The following ZNF385D variants were observed in gnomAD, a reference collection of about 807,000 sequenced individuals.
ZNF385D encodes the protein zinc finger protein 385D, also known as zinc finger protein 659.
A neutral mutation model predicts 35.8 loss-of-function variants in ZNF385D; 15 were observed. The observed-to-expected ratio is 0.42, with a 90% confidence interval of 0.28 to 0.64. ZNF385D has a LOEUF of 0.64. Among genes scored for constraint, ZNF385D ranks in the 30% least tolerant of loss-of-function variants. The pLI, the probability that ZNF385D is intolerant of heterozygous loss-of-function variation, is 0.23. For synonymous variants in ZNF385D, 212 were observed against 186.8 expected, an observed-to-expected ratio of 1.13 and a Z score of -1.10; for missense variants, 474 against 494.6, an observed-to-expected ratio of 0.96 and a Z score of 0.39.
intron 2 of ZNF385D, among the ~76,000 whole-genome samples, chr3:22,202,260 G>A (rs1696847406): frequency 6.6e-6 from 1 of 151,982 alleles, no homozygotes; most frequent in Admixed American, 6.6e-5. Context: ...TTTGTTTCTG[G>A]CATCTGTTAC....
chr3:21,888,141 A>T (rs1368373015), intron 3 of ZNF385D, among the ~76,000 whole-genome samples: 1 of 152,118 alleles, frequency 6.6e-6, no homozygotes, highest in African/African-American at 2.4e-5. Flanking sequence ...TTATTCCTCA[A>T]TTGCTTGGTT....
intron 2 of ZNF385D, among the ~76,000 whole-genome samples, chr3:22,353,756 T>TC (rs1243135739): frequency 6.6e-6 from 1 of 152,112 alleles, no homozygotes; most frequent in Non-Finnish European, 1.5e-5. Flanking sequence ...AATCTTACTC[T>TC]CCATCCTACC....
chr3:21,888,408 A>C (rs529977275), intron 3 of ZNF385D, among the ~76,000 whole-genome samples: 173 of 152,308 alleles, frequency 1.1e-3, no homozygotes, highest in African/African-American at 3.1e-3. Context: ...AGGAAGAAGA[A>C]CCATTGGGAA....
chr3:21,763,595 G>A (rs1373910970), intron 3 of ZNF385D, among the ~76,000 whole-genome samples: 1 of 152,090 alleles, frequency 6.6e-6, no homozygotes, highest in Non-Finnish European at 1.5e-5. Flanking sequence ...GTCCAGGGAT[G>A]ATTAAGCCCT....
chr3:21,796,958 G>C (rs143602975), intron 3 of ZNF385D, among the ~76,000 whole-genome samples: 3 of 152,284 alleles, frequency 2.0e-5, no homozygotes, highest in East Asian at 3.9e-4. Flanking sequence ...GCTCAGCTGA[G>C]TCTCTTGGAG....
chr3:22,232,906 TTC>T (rs1698978683), intron 2 of ZNF385D, among the ~76,000 whole-genome samples: 1 of 152,202 alleles, frequency 6.6e-6, no homozygotes, highest in Non-Finnish European at 1.5e-5. Context: ...TTTCACTGGA[TTC>T]TCTTTTTAGT....
chr3:22,079,881 G>A (rs1039587425), intron 3 of ZNF385D, among the ~76,000 whole-genome samples: 18 of 151,800 alleles, frequency 1.2e-4, no homozygotes, highest in Admixed American at 3.9e-4. Context: ...TAGGTCCTTA[G>A]AGATTCAAAT....
At chr3:22,115,813 G>A (rs1387859571) in intron 3 of ZNF385D, among the ~76,000 whole-genome samples, 4 of 152,038 alleles carry the variant, frequency 2.6e-5, no homozygotes, top group South Asian at 2.1e-4. Context: ...AGGAAAAACC[G>A]CTAGCAGGAA....
rs190262144 is a variant in ZNF385D, at chr3:22,113,026, C to T, written c.325+55791G>A. On this transcript the variant is annotated intron_variant, in intron 3 of 5. Transcript: ENST00000494108. The stretch of plus-strand genomic sequence containing the variant: ...GCCTTGGTCAACCCCAACAATCTCT[C>T]GGTCGCATTTGTGGAAATGAAGTAG... Among the ~76,000 whole-genome samples the T allele has an allele frequency of 4.1e-4, 63 of 152,118 alleles. No individual in the cohort carries two copies. In the East Asian group the frequency reaches 9.7e-3, roughly 23 times the overall value.
At chr3:21,795,417 A>G (rs961307158) in intron 3 of ZNF385D, among the ~76,000 whole-genome samples, 8 of 152,254 alleles carry the variant, frequency 5.3e-5, no homozygotes, top group African/African-American at 1.4e-4. Context: ...GCACATAGCC[A>G]TTAGCGTCTG....
intron 3 of ZNF385D, among the ~76,000 whole-genome samples, chr3:22,017,275 A>T (rs1235534593): frequency 6.6e-6 from 1 of 152,042 alleles, no homozygotes; most frequent in African/African-American, 2.4e-5. Context: ...AGACATAGTG[A>T]ATTTTTCATA....
chr3:21,912,576 T>C (rs1700014583), intron 3 of ZNF385D, among the ~76,000 whole-genome samples: 2 of 152,026 alleles, frequency 1.3e-5, no homozygotes, highest in African/African-American at 4.8e-5. Context: ...TGGATTGCTA[T>C]AGTGCATGCA....
At chr3:21,625,669 C>CA (rs1214594001) in intron 2 of ZNF385D, among the ~76,000 whole-genome samples, 2 of 151,898 alleles carry the variant, frequency 1.3e-5, no homozygotes, top group Non-Finnish European at 2.9e-5. Flanking sequence ...GGTTGAGACA[C>CA]AAAAAAAGTC....
intron 3 of ZNF385D, among the ~76,000 whole-genome samples, chr3:22,016,027 G>A (rs1403628304): frequency 6.6e-6 from 1 of 152,140 alleles, no homozygotes; most frequent in Non-Finnish European, 1.5e-5. Context: ...TTTTTGTGCA[G>A]GTCATCAGTG....
At chr3:22,195,099 G>A (rs1696320475) in intron 2 of ZNF385D, among the ~76,000 whole-genome samples, 1 of 151,850 alleles carries the variant, frequency 6.6e-6, no homozygotes, top group Non-Finnish European at 1.5e-5. Context: ...ATTTATGAGA[G>A]TTCCAATTGC....
intron 3 of ZNF385D, among the ~76,000 whole-genome samples, chr3:22,083,795 T>C (rs538359835): frequency 1.2e-4 from 18 of 152,054 alleles, no homozygotes; most frequent in African/African-American, 4.1e-4. Flanking sequence ...TTCACCAGGG[T>C]TGAAATGAAG....
At chr3:21,435,449 G>A (rs1701503967) in intron 5 of ZNF385D, among the ~76,000 whole-genome samples, 1 of 151,602 alleles carries the variant, frequency 6.6e-6, no homozygotes. Flanking sequence ...ATTTTTTGTG[G>A]AGATGGGGGT....
At chr3:21,546,508 C>A (rs1025991268) in intron 3 of ZNF385D, among the ~76,000 whole-genome samples, 9 of 151,976 alleles carry the variant, frequency 5.9e-5, no homozygotes, top group Non-Finnish European at 1.2e-4. Context: ...GACTCAGTTC[C>A]ACAGTTTCAC....
chr3:21,894,454 G>C (rs1699032378), intron 3 of ZNF385D, among the ~76,000 whole-genome samples: 1 of 152,112 alleles, frequency 6.6e-6, no homozygotes, highest in Admixed American at 6.6e-5. Context: ...AATTCTTTCT[G>C]ATTTGCTCTT....
Sources: allele counts gnomAD v4.1 joint callset (sites outside exome capture counted in the v4.1 genomes callset), GRCh38; gene constraint gnomAD v4.1.1; transcripts MANE v1.5; gene names NCBI Gene and HGNC (gene_info 2026-07-23, HGNC 2026-07-21).